Variants in MOB3B observed in about 807,000 individuals in gnomAD.
The protein encoded by MOB3B is MOB kinase activator-like 2B.
MOB3B carries 7 observed loss-of-function variants against 18.7 expected under a neutral mutation model. That is an observed-to-expected ratio of 0.37 (90% CI 0.21 to 0.70). The LOEUF is 0.70. Ranked by LOEUF, MOB3B falls within the 30% of genes least tolerant of loss-of-function variation. MOB3B has a pLI of 0.52. For synonymous variants in MOB3B, 111 were observed against 99.9 expected, an observed-to-expected ratio of 1.11 and a Z score of -0.66; for missense variants, 253 against 281.3, an observed-to-expected ratio of 0.90 and a Z score of 0.72.
intron 1 of MOB3B, 31 bp from the exon 2 acceptor site, chr9:27,455,779 A>T (rs1243943864): frequency 7.1e-7 from 1 of 1,409,648 alleles, no homozygotes; most frequent in Non-Finnish European, 9.2e-7. Context: ...GGAACACATG[A>T]GTGCCCAGTT....
Position 27,373,893 on chromosome 9 carries a change from A to G in MOB3B, c.419-14657T>C, listed in dbSNP as rs569017067. On this transcript the variant is annotated intron_variant, in intron 2 of 3. Coordinates refer to ENST00000262244, the MANE Select transcript of MOB3B (RefSeq NM_024761.5). Reference sequence around the variant, plus strand: ...TTTAAGTCTGGTCTAAAGGTTTGTCAGTACCTAATGAACCCAACTTGATGA... The same window carrying G: ...TTTAAGTCTGGTCTAAAGGTTTGTCGGTACCTAATGAACCCAACTTGATGA... Among the ~76,000 whole-genome samples the G allele has an allele frequency of 2.7e-4, 41 of 152,384 alleles. 1 individual carries two copies. Among genetic ancestry groups the G allele is most frequent in the African/African-American group, 9.4e-4 (39 of 41,590 alleles).
At chr9:27,506,688 G>A (rs564970684) in intron 1 of MOB3B, among the ~76,000 whole-genome samples, 281 of 151,376 alleles carry the variant, frequency 1.9e-3, no homozygotes, top group African/African-American at 6.1e-3. Context: ...CCGCCACCAC[G>A]CCCGGCTAAT....
At chr9:27,482,928 A>G (rs1819682696) in intron 1 of MOB3B, among the ~76,000 whole-genome samples, 2 of 152,150 alleles carry the variant, frequency 1.3e-5, no homozygotes, top group Non-Finnish European at 2.9e-5. Flanking sequence ...CTTTTCCTAG[A>G]GTATCTTGCC....
At chr9:27,376,238 C>G (rs564439485) in intron 2 of MOB3B, among the ~76,000 whole-genome samples, 1 of 152,360 alleles carries the variant, frequency 6.6e-6, no homozygotes, top group South Asian at 2.1e-4. Flanking sequence ...GATGCCTCTT[C>G]TTGTACATAT....
At chr9:27,344,044 A>G (rs568738085) in intron 3 of MOB3B, among the ~76,000 whole-genome samples, 106 of 152,310 alleles carry the variant, frequency 7.0e-4, no homozygotes, top group African/African-American at 2.4e-3. Context: ...GTACACTTAA[A>G]AATAGTTAAG....
At chr9:27,477,673 G>T (rs1365992282) in intron 1 of MOB3B, among the ~76,000 whole-genome samples, 1 of 152,190 alleles carries the variant, frequency 6.6e-6, no homozygotes, top group Non-Finnish European at 1.5e-5. Flanking sequence ...TATAAGCCAT[G>T]GCAGCCATCA....
At chr9:27,346,798 C>T (rs529455780) in intron 3 of MOB3B, among the ~76,000 whole-genome samples, 1 of 152,218 alleles carries the variant, frequency 6.6e-6, no homozygotes, top group East Asian at 1.9e-4. Flanking sequence ...AGTTCAAGAC[C>T]AGCCTGGCCA....
intron 3 of MOB3B, among the ~76,000 whole-genome samples, chr9:27,358,520 C>A (rs1821226232): frequency 6.6e-6 from 1 of 152,178 alleles, no homozygotes; most frequent in African/African-American, 2.4e-5. Context: ...AAAGCAAAGT[C>A]CCTATGAGAC....
chr9:27,331,612 C>G (rs113432228), intron 3 of MOB3B, among the ~76,000 whole-genome samples: 2 of 152,268 alleles, frequency 1.3e-5, no homozygotes, highest in African/African-American at 4.8e-5. Flanking sequence ...GGCACTGTGC[C>G]AGGGTAGTGG....
chr9:27,326,763 A>G lies in MOB3B; in HGVS notation c.*3824T>C, dbSNP rs1159196482. The stretch of plus-strand genomic sequence containing the variant: ...AAGCAGGAAATGACTCTAGATCAGT[A>G]TTTCTCAATTACAGCCGTGTAAGAC... On this transcript the variant is annotated 3_prime_UTR_variant, in exon 4 of 4. Transcript: ENST00000262244. The G allele has an allele frequency of 7.6e-6, 3 of 395,840 alleles. No individual in the cohort carries two copies. The highest frequency in any genetic ancestry group is 1.3e-5 in the Non-Finnish European group (3 of 224,868). 24.5% of individuals were successfully genotyped at this position (395,840 alleles called of 1,614,324 possible).
At chr9:27,518,513 G>C (rs1369585679) in intron 1 of MOB3B, among the ~76,000 whole-genome samples, 1 of 152,222 alleles carries the variant, frequency 6.6e-6, no homozygotes, top group Non-Finnish European at 1.5e-5. Flanking sequence ...TCCTAAAACA[G>C]AGAGTAGGTT....
At chr9:27,332,179 G>C (rs1018823819) in intron 3 of MOB3B, among the ~76,000 whole-genome samples, 1 of 152,090 alleles carries the variant, frequency 6.6e-6, no homozygotes, top group Non-Finnish European at 1.5e-5. Flanking sequence ...TTGTTGTATA[G>C]ACAGGATTTC....
chr9:27,363,092 T>C (rs966960144), intron 2 of MOB3B, among the ~76,000 whole-genome samples: 3 of 152,150 alleles, frequency 2.0e-5, no homozygotes, highest in Non-Finnish European at 2.9e-5. Flanking sequence ...TCATGAAAAC[T>C]GATTGATTTG....
At chr9:27,477,032 A>G (rs1819563527) in intron 1 of MOB3B, among the ~76,000 whole-genome samples, 1 of 152,118 alleles carries the variant, frequency 6.6e-6, no homozygotes, top group Non-Finnish European at 1.5e-5. Flanking sequence ...CTGCATCACA[A>G]TCAGAGGAGT....
intron 2 of MOB3B, among the ~76,000 whole-genome samples, chr9:27,445,872 G>T (rs1822682590): frequency 6.6e-6 from 1 of 152,080 alleles, no homozygotes; most frequent in South Asian, 2.1e-4. Flanking sequence ...GATCCAGGGG[G>T]TGGGCAACAC....
chr9:27,457,305 C>A (rs1345343621), intron 1 of MOB3B, among the ~76,000 whole-genome samples: 1 of 152,212 alleles, frequency 6.6e-6, no homozygotes, highest in Non-Finnish European at 1.5e-5. Context: ...GAGGAGATAA[C>A]TGATCCACTC....
intron 2 of MOB3B, among the ~76,000 whole-genome samples, chr9:27,417,326 T>G (rs997344387): frequency 5.9e-5 from 9 of 152,182 alleles, no homozygotes; most frequent in Non-Finnish European, 1.0e-4. Context: ...ATTGCGTCAC[T>G]GTACTCCAGC....
chr9:27,356,840 G>A, intron 3 of MOB3B, among the ~76,000 whole-genome samples: 1 of 151,766 alleles, frequency 6.6e-6, no homozygotes, highest in Non-Finnish European at 1.5e-5. Context: ...TTTATCAATT[G>A]TTTCTAGTCT....
At chr9:27,385,766 G>A (rs1237710245) in intron 2 of MOB3B, among the ~76,000 whole-genome samples, 3 of 152,230 alleles carry the variant, frequency 2.0e-5, no homozygotes, top group Non-Finnish European at 2.9e-5. Context: ...TTTACTGAGA[G>A]CTTTCAAGCA....
Sources: gnomAD v4.1 joint callset for allele counts (sites outside exome capture counted in the v4.1 genomes callset) on GRCh38, gnomAD v4.1.1 for gene constraint, MANE v1.5 for transcripts, NCBI Gene and HGNC (gene_info 2026-07-23, HGNC 2026-07-21) for gene names.